Variants in MYOM3 observed in about 807,000 individuals in gnomAD.
The protein encoded by MYOM3 is myomesin 3.
A neutral mutation model predicts 191.7 loss-of-function variants in MYOM3; 155 were observed. That is an observed-to-expected ratio of 0.81 (90% CI 0.71 to 0.92). The LOEUF (loss-of-function observed/expected upper bound fraction) is 0.92. Ranked by LOEUF, MYOM3 falls within the 40% of genes least tolerant of loss-of-function variation. The pLI, the probability that MYOM3 is intolerant of heterozygous loss-of-function variation, is 0.00. For missense variants in MYOM3, 1,889 were observed against 1,890.6 expected, an observed-to-expected ratio of 1.00 and a Z score of 0.02; for synonymous variants, 757 against 762.9, an observed-to-expected ratio of 0.99 and a Z score of 0.13.
At chr1:24,061,124 C>G in intron 34 of MYOM3, 42 bp from the exon 35 acceptor site, 1 of 1,613,926 alleles carries the variant, frequency 6.2e-7, no homozygotes, top group Non-Finnish European at 8.5e-7. Context: ...ATTCCACTTG[C>G]TAAAGGACAG....
chr1:24,067,493 C>T lies in MYOM3; in HGVS notation c.3356-405G>A, dbSNP rs148107966. Reference sequence around the variant, plus strand: ...TTTCTTTATTTTTGAGACAGAGTCTCGCTCTGTTGCCTAGGCTAGAGTGCA... The same window carrying T: ...TTTCTTTATTTTTGAGACAGAGTCTTGCTCTGTTGCCTAGGCTAGAGTGCA... On this transcript the variant is annotated intron_variant, in intron 27 of 36. Transcript: ENST00000374434. Among the ~76,000 whole-genome samples, 1,082 of 148,836 alleles carry T rather than the reference C, an allele frequency of 7.3e-3. 11 individuals carry two copies. Among genetic ancestry groups the T allele is most frequent in the African/African-American group, 0.023 (910 of 40,130 alleles).
chr1:24,058,169 A>G (rs1483205284), intron 36 of MYOM3, among the ~76,000 whole-genome samples: 4 of 152,140 alleles, frequency 2.6e-5, no homozygotes, highest in Non-Finnish European at 4.4e-5. Context: ...TACTCTCGCA[A>G]TTATCGGTCC....
intron 12 of MYOM3, 121 bp downstream of exon 12, chr1:24,090,671 AGGGCT>A: frequency 1.1e-6 from 1 of 872,676 alleles, no homozygotes; most frequent in Non-Finnish European, 1.8e-6. Flanking sequence ...GTGTTTACTG[AGGGCT>A]GGGCTGTGCT....
At chr1:24,067,928 C>G in intron 27 of MYOM3, 42 bp downstream of exon 27, 1 of 1,598,544 alleles carries the variant, frequency 6.3e-7, no homozygotes, top group Non-Finnish European at 8.6e-7. Flanking sequence ...CTAGCACGAA[C>G]CAGTGGCCAG....
Position 24,063,257 on chromosome 1 carries a change from T to C in MYOM3, c.3662-23A>G. 6.3e-7 allele frequency: 1 copy of C among 1,595,668 alleles called. No individual in the cohort carries two copies. Among genetic ancestry groups the C allele is most frequent in the Non-Finnish European group, 8.6e-7 (1 of 1,163,610 alleles). ...GGGCTGGGGAGACAGAGGAGAAGGA[T>C]GAATCTTCCCTGAGGCCATTTAGGC... On this transcript the variant is annotated intron_variant, in intron 31 of 36. Coordinates refer to ENST00000374434, the MANE Select transcript of MYOM3 (RefSeq NM_152372.4). The surrounding 1 kb of genome is among the most constrained non-coding windows in gnomAD (Gnocchi z 4.5).
intron 8 of MYOM3, among the ~76,000 whole-genome samples, chr1:24,095,202 T>A (rs1643872464): frequency 6.6e-6 from 1 of 152,132 alleles, no homozygotes; most frequent in African/African-American, 2.4e-5. Flanking sequence ...TCCGTTGGTT[T>A]TTCTGGCTTT....
intron 20 of MYOM3, among the ~76,000 whole-genome samples, chr1:24,079,087 T>A (rs933886991): frequency 2.6e-5 from 4 of 152,220 alleles, no homozygotes; most frequent in Admixed American, 2.6e-4. Context: ...ATATCTAACA[T>A]GTTACATATA....
Position 24,111,568 on chromosome 1 carries a change from C to T in MYOM3, c.-19+463G>A, listed in dbSNP as rs1644038410. Among the ~76,000 whole-genome samples, 1 of 152,200 alleles carries T rather than the reference C, an allele frequency of 6.6e-6. No homozygotes were observed. Among genetic ancestry groups the T allele is most frequent in the Admixed American group, 6.5e-5 (1 of 15,270 alleles). ...TGTCAGGCACTGGATGAAATCCCTTCCAGCTCTAAGATTTGGGATCCGAGG... is the reference window on the plus strand; with the variant it reads ...TGTCAGGCACTGGATGAAATCCCTTTCAGCTCTAAGATTTGGGATCCGAGG... On this transcript the variant is annotated intron_variant, in intron 1 of 36. Transcript: ENST00000374434. The surrounding 1 kb of genome is among the most constrained non-coding windows in gnomAD (Gnocchi z 4.7).
chr1:24,078,899 CAGG>C (rs1643634118), intron 20 of MYOM3, among the ~76,000 whole-genome samples: 1 of 152,068 alleles, frequency 6.6e-6, no homozygotes, highest in Non-Finnish European at 1.5e-5. Context: ...TTGGTTAGGC[CAGG>C]AGAAGACTAT....
intron 20 of MYOM3, among the ~76,000 whole-genome samples, chr1:24,078,473 C>G (rs1410558992): frequency 6.6e-6 from 1 of 152,202 alleles, no homozygotes; most frequent in Non-Finnish European, 1.5e-5. Context: ...AGGACATGCA[C>G]CGTATCCTAT....
intron 27 of MYOM3, among the ~76,000 whole-genome samples, chr1:24,067,325 CTTCT>C (rs796793986): frequency 0.16 from 9,429 of 58,334 alleles, 724 homozygotes; most frequent in Non-Finnish European, 0.19. Flanking sequence ...TCTTTCTTTC[CTTCT>C]TTCTTTCTTT....
At chr1:24,090,396 G>A (rs921396443) in intron 12 of MYOM3, among the ~76,000 whole-genome samples, 2 of 152,156 alleles carry the variant, frequency 1.3e-5, no homozygotes, top group Non-Finnish European at 2.9e-5. Context: ...ACCCTGCCAC[G>A]GTGGAGCTTC....
At chr1:24,101,659 G>C (rs1346486895) in intron 5 of MYOM3, among the ~76,000 whole-genome samples, 1 of 152,232 alleles carries the variant, frequency 6.6e-6, no homozygotes, top group African/African-American at 2.4e-5. Flanking sequence ...GGCTGAGGCA[G>C]GAGGACTGCT....
At chr1:24,070,647 A>G (rs1446478721) in intron 25 of MYOM3, among the ~76,000 whole-genome samples, 6 of 152,208 alleles carry the variant, frequency 3.9e-5, no homozygotes, top group Non-Finnish European at 1.5e-5. Context: ...AGGCAGAAGG[A>G]GTACTTAAGG....
At position 24,071,151 on chromosome 1, in the gene MYOM3, AGATGTAG is replaced by A; in HGVS notation, c.3109_3115del (p.Leu1037Ter). On this transcript the variant is annotated frameshift_variant, in exon 25 of 37. Coordinates refer to ENST00000374434, the MANE Select transcript of MYOM3 (RefSeq NM_152372.4). LOFTEE classifies it high-confidence loss of function. ...GAAGATCTCCTTGTTGTTGAAGATT[AGATGTAG>A]CTCAGCGGCTGGAGATAACTTTTCT... is the stretch of plus-strand genomic sequence containing the variant. 1 of 1,614,156 alleles carries A rather than the reference AGATGTAG, an allele frequency of 6.2e-7. No individual in the cohort carries two copies. Among genetic ancestry groups the A allele is most frequent in the Non-Finnish European group, 8.5e-7 (1 of 1,179,996 alleles).
chr1:24,073,372 T>G (rs1643553858), intron 23 of MYOM3, among the ~76,000 whole-genome samples: 1 of 152,176 alleles, frequency 6.6e-6, no homozygotes, highest in African/African-American at 2.4e-5. Flanking sequence ...AGGCTTTGTT[T>G]CAGTTTAATT....
Position 24,081,373 on chromosome 1 carries a change from G to A in MYOM3, c.2364C>T (p.Pro788=). ...NWAGVGELSA[P]SSLFECKEWT... Reference sequence around the variant, plus strand: ...ACTCTTTGCACTCAAACAGGCTGCTGGGTGCCGACAGCTCGCCAACACCTG... The same window carrying A: ...ACTCTTTGCACTCAAACAGGCTGCTAGGTGCCGACAGCTCGCCAACACCTG... The change falls in exon 19 of 37, where the codon CCC becomes CCT. Residue 788 remains proline, a synonymous_variant. Coordinates refer to ENST00000374434, the MANE Select transcript of MYOM3 (RefSeq NM_152372.4). 1 of 1,614,130 alleles carries A rather than the reference G, an allele frequency of 6.2e-7. No individual in the cohort carries two copies.
chr1:24,108,578 T>C lies in MYOM3; in HGVS notation c.59A>G (p.Glu20Gly). 6.3e-7 allele frequency: 1 copy of C among 1,574,810 alleles called. No individual in the cohort carries two copies. The highest frequency in any genetic ancestry group is 8.6e-7 in the Non-Finnish European group (1 of 1,161,250). ...AGDPRPPQAM[E>G]VHRLEHRQEE... ...CTGCCGGTGCTCCAGCCTGTGAACC[T>C]CCATGGCCTGGGGGGGCCGGGGGTC... Residue 20 changes from glutamate (E) to glycine (G), a missense_variant, in exon 2 of 37, where the codon GAG becomes GGG. By Grantham distance (98) the Glu-to-Gly change is moderately conservative. Transcript: ENST00000374434.
rs1643667085 is a variant in MYOM3, at chr1:24,081,430, G to T, written c.2307C>A (p.Phe769Leu). Reference protein sequence around the residue: ...CKVSDLHEGHFYEFRARAANW... With the variant: ...CKVSDLHEGHLYEFRARAANW... Reference sequence around the variant, plus strand: ...TGGCAGCCCGGGCACGGAACTCATAGAAGTGGCCTTCATGAAGGTCACTGA... The same window carrying T: ...TGGCAGCCCGGGCACGGAACTCATATAAGTGGCCTTCATGAAGGTCACTGA... Residue 769 changes from phenylalanine to leucine, a missense_variant, in exon 19 of 37, where the codon TTC (phenylalanine) becomes TTA (leucine). By Grantham distance (22) the Phe-to-Leu change is conservative. Coordinates refer to ENST00000374434, the MANE Select transcript of MYOM3 (RefSeq NM_152372.4). 5.6e-6 allele frequency: 9 copies of T among 1,614,066 alleles called. No homozygotes were observed. The highest frequency in any genetic ancestry group is 7.6e-6 in the Non-Finnish European group (9 of 1,180,040).
Sources: gnomAD v4.1 joint callset for allele counts (sites outside exome capture counted in the v4.1 genomes callset) on GRCh38, gnomAD v4.1.1 for gene constraint, Gnocchi (gnomAD v3.1) non-coding constraint, MANE v1.5 for transcripts, NCBI Gene and HGNC (gene_info 2026-07-23, HGNC 2026-07-21) for gene names.